TRPM8: variants seen among roughly 807,000 people sequenced by gnomAD.
TRPM8 encodes TRPM8 cationic channel.
A neutral mutation model predicts 133.7 loss-of-function variants in TRPM8; 110 were observed. That is an observed-to-expected ratio of 0.82 (90% confidence interval 0.70 to 0.96). The LOEUF (loss-of-function observed/expected upper bound fraction) is 0.96. Ranked by LOEUF, TRPM8 falls within the 40% of genes least tolerant of loss-of-function variation. TRPM8 has a pLI of 0.00. For synonymous variants in TRPM8, 535 were observed against 532.3 expected, an observed-to-expected ratio of 1.01 and a Z score of -0.07; for missense variants, 1,291 against 1,379.5, an observed-to-expected ratio of 0.94 and a Z score of 1.02.
In TRPM8 at chr2:233,994,357, T is replaced by C. The variant is rs138668054; in HGVS notation, c.2940-1969T>C. 2.8e-3 allele frequency among the ~76,000 whole-genome samples: 432 copies of C among 152,338 alleles called. 2 individuals are homozygous for C. Among genetic ancestry groups the C allele is most frequent in the African/African-American group, 0.01 (422 of 41,586 alleles). ...AGGCTGGCTGCTAGATTTGACTGGC[T>C]GCACTATAATACATCCCAGTCCTGG... is the stretch of plus-strand genomic sequence containing the variant. On this transcript the variant is annotated intron_variant, in intron 21 of 25. Transcript: ENST00000324695.
chr2:233,965,194 C>T (rs1015396057), intron 14 of TRPM8, among the ~76,000 whole-genome samples: 30 of 152,196 alleles, frequency 2.0e-4, no homozygotes, highest in Admixed American at 1.7e-3. Context: ...CTGCGACACT[C>T]ATGGTTTCTT....
chr2:233,927,196 T>C (rs1199094349), intron 2 of TRPM8, among the ~76,000 whole-genome samples: 2 of 152,194 alleles, frequency 1.3e-5, no homozygotes, highest in African/African-American at 4.8e-5. Context: ...CCAGTTCTCA[T>C]GGACTACAGT....
Position 234,014,558 on chromosome 2 carries a change from C to T in TRPM8, c.3265-4C>T. On this transcript the variant is annotated splice_region_variant and splice_polypyrimidine_tract_variant and intron_variant, in intron 24 of 25. Transcript: ENST00000324695. Reference sequence around the variant, plus strand: ...GATGAGTTCTATTTTTTTCTCTTTCCAAGCTTAATGATCTCAAGGGTCTTC... The same window carrying T: ...GATGAGTTCTATTTTTTTCTCTTTCTAAGCTTAATGATCTCAAGGGTCTTC... The T allele has an allele frequency of 1.3e-6, 2 of 1,529,864 alleles. No individual in the cohort carries two copies. The highest frequency in any genetic ancestry group is 1.3e-5 in the South Asian group (1 of 78,736). The allele number at this position is 1,529,864 out of a possible 1,614,324, so 94.8% of individuals were successfully genotyped here.
intron 21 of TRPM8, among the ~76,000 whole-genome samples, chr2:233,986,174 A>G (rs1380809858): frequency 1.3e-5 from 2 of 152,248 alleles, no homozygotes; most frequent in Non-Finnish European, 2.9e-5. Flanking sequence ...AATATCACCC[A>G]TTGGTGACGG....
chr2:233,974,878 A>G (rs532286782), intron 17 of TRPM8, among the ~76,000 whole-genome samples: 1 of 151,428 alleles, frequency 6.6e-6, no homozygotes, highest in East Asian at 1.9e-4. Flanking sequence ...GCAGAGAGAG[A>G]GAGAGAGACA....
At chr2:233,958,528 C>T (rs1456855020) in intron 11 of TRPM8, among the ~76,000 whole-genome samples, 1 of 152,122 alleles carries the variant, frequency 6.6e-6, no homozygotes, top group Non-Finnish European at 1.5e-5. Flanking sequence ...TTTACCAGGC[C>T]CTCTACATGA....
At position 233,937,368 on chromosome 2, in the gene TRPM8, G is replaced by C. The variant is rs1435781243; in HGVS notation, c.207G>C (p.Lys69Asn). 8 of 1,614,176 alleles carry C rather than the reference G, an allele frequency of 5.0e-6. No individual in the cohort carries two copies. The highest frequency in any genetic ancestry group is 6.8e-6 in the Non-Finnish European group (8 of 1,180,036). ...TGCTTATCAGGGAGAATGTGTGCAA[G>C]TGTGGCTATGCCCAGAGCCAGCACA... ...KDSKATENVC[K>N]CGYAQSQHME... Residue 69 changes from lysine (K) to asparagine (N), a missense_variant, in exon 4 of 26, where the codon AAG becomes AAC. By Grantham distance (94) the Lys-to-Asn change is moderately conservative (BLOSUM62 0). Coordinates refer to ENST00000324695, the MANE Select transcript of TRPM8 (RefSeq NM_024080.5).
At chr2:233,952,522 G>T (rs547731985) in intron 9 of TRPM8, among the ~76,000 whole-genome samples, 7 of 151,982 alleles carry the variant, frequency 4.6e-5, no homozygotes, top group African/African-American at 1.7e-4. Context: ...TGGGAGGCAC[G>T]CCTGAGGAGT....
At chr2:234,014,793 A>AAT (rs1692919787) in intron 25 of TRPM8, 139 bp downstream of exon 25, 1 of 463,186 alleles carries the variant, frequency 2.2e-6, no homozygotes, top group East Asian at 4.1e-5. Context: ...GCAAAAAAAA[A>AAT]AAATACAGAG....
rs190801966 is a variant in TRPM8, at chr2:233,973,115, G to T, written c.2355+2689G>T. Among the ~76,000 whole-genome samples, 899 of 152,310 alleles carry T rather than the reference G, an allele frequency of 5.9e-3. 2 individuals are homozygous for T. The highest frequency in any genetic ancestry group is 9.4e-3 in the Non-Finnish European group (639 of 68,014). On this transcript the variant is annotated intron_variant, in intron 17 of 25. Coordinates refer to ENST00000324695, the MANE Select transcript of TRPM8 (RefSeq NM_024080.5). Reference sequence around the variant, plus strand: ...CTACCAGCAATTCTTGCCCCAGGACGGGGCCCTGCTATGTGCAGGGAATTT... The same window carrying T: ...CTACCAGCAATTCTTGCCCCAGGACTGGGCCCTGCTATGTGCAGGGAATTT...
chr2:234,011,722 T>C (rs898768346), intron 24 of TRPM8, among the ~76,000 whole-genome samples: 1 of 151,976 alleles, frequency 6.6e-6, no homozygotes, highest in Non-Finnish European at 1.5e-5. Context: ...ATCGAGACCA[T>C]CCTGGCTAAC....
At chr2:233,997,396 G>C (rs1475374239) in intron 22 of TRPM8, among the ~76,000 whole-genome samples, 1 of 152,210 alleles carries the variant, frequency 6.6e-6, no homozygotes, top group Non-Finnish European at 1.5e-5. Flanking sequence ...CCGTCAGGGA[G>C]GGTCGGCAGT....
chr2:233,969,250 G>A (rs185486295), intron 15 of TRPM8, among the ~76,000 whole-genome samples: 3 of 151,928 alleles, frequency 2.0e-5, no homozygotes, highest in South Asian at 4.2e-4. Flanking sequence ...AGGCCGAGGC[G>A]GTGGATCACC....
At chr2:233,942,071 C>CTGTTTTTTTTTT (rs1553656129) in intron 5 of TRPM8, among the ~76,000 whole-genome samples, 3 of 111,674 alleles carry the variant, frequency 2.7e-5, no homozygotes, top group African/African-American at 1.2e-4. Context: ...GGTCAAGAAT[C>CTGTTTTTTTTTT]TTTTTTTTTT....
At chr2:233,930,647 T>A in intron 2 of TRPM8, 21 bp from the exon 3 acceptor site, 1 of 1,543,810 alleles carries the variant, frequency 6.5e-7, no homozygotes, top group African/African-American at 1.4e-5. Flanking sequence ...TAATGTGTTA[T>A]TCAATGTTCT....
At chr2:233,934,421 C>G (rs1691746934) in intron 3 of TRPM8, among the ~76,000 whole-genome samples, 1 of 152,190 alleles carries the variant, frequency 6.6e-6, no homozygotes, top group Admixed American at 6.5e-5. Context: ...GATTAACTTC[C>G]CATCCTTGAG....
intron 25 of TRPM8, among the ~76,000 whole-genome samples, chr2:234,015,880 TGTTTA>T (rs1692944941): frequency 2.0e-5 from 3 of 152,366 alleles, no homozygotes; most frequent in Admixed American, 2.0e-4. Flanking sequence ...CATGCCATCT[TGTTTA>T]GTTTATCTGC....
intron 17 of TRPM8, among the ~76,000 whole-genome samples, chr2:233,978,198 A>AGTGTGTGTGTGTGT (rs59259744): frequency 6.6e-4 from 96 of 146,104 alleles, no homozygotes; most frequent in East Asian, 6.5e-3. Context: ...GGAATATTAT[A>AGTGTGTGTGTGTGT]GTGTGTGTGT....
At chr2:233,988,511 A>G (rs1025243770) in intron 21 of TRPM8, among the ~76,000 whole-genome samples, 1 of 152,156 alleles carries the variant, frequency 6.6e-6, no homozygotes, top group Non-Finnish European at 1.5e-5. Context: ...GTTCTTACCC[A>G]TGTTTAGTTC....
Sources: gnomAD v4.1 joint callset for allele counts (sites outside exome capture counted in the v4.1 genomes callset) on GRCh38, gnomAD v4.1.1 for gene constraint, MANE v1.5 for transcripts, NCBI Gene and HGNC (gene_info 2026-07-23, HGNC 2026-07-21) for gene names.